The following ADPRHL1 variants were observed in gnomAD, a reference collection of about 807,000 sequenced individuals.
ADPRHL1 encodes ADP-ribosylhydrolase like 1.
A neutral mutation model predicts 44.1 loss-of-function variants in ADPRHL1; 43 were observed. That is an observed-to-expected ratio of 0.98 (90% CI 0.76 to 1.26). The LOEUF is 1.26. Ranked by LOEUF, ADPRHL1 falls within the 50% of genes most tolerant of loss-of-function variation. The probability of loss-of-function intolerance (pLI) is 0.00; values close to 1 mark genes in which losing one functional copy is unlikely to be tolerated. For missense variants in ADPRHL1, 2,022 were observed against 2,496.9 expected (o/e 0.81, Z 4.05); for synonymous variants, 878 against 1,017.4 (o/e 0.86, Z 2.61).
At chr13:113,416,260 T>C (rs1054663948) in intron 7 of ADPRHL1, among the ~76,000 whole-genome samples, 2 of 152,110 alleles carry the variant, frequency 1.3e-5, no homozygotes, top group Non-Finnish European at 2.9e-5. Flanking sequence ...TAATGGTCGA[T>C]GTGGACTTTT....
intron 7 of ADPRHL1, among the ~76,000 whole-genome samples, chr13:113,417,275 C>T (rs915581390): frequency 1.3e-5 from 2 of 152,210 alleles, no homozygotes; most frequent in African/African-American, 2.4e-5. Context: ...ACCAGGGCCC[C>T]AGGTCGTGCA....
chr13:113,415,750 C>CAAAAAAAAAAA (rs71214119), intron 7 of ADPRHL1, among the ~76,000 whole-genome samples: 672 of 62,780 alleles, frequency 0.011, 24 homozygotes, highest in Middle Eastern at 0.013. Context: ...GACTCCATCT[C>CAAAAAAAAAAA]AAAAAAAAAA....
Position 113,404,967 on chromosome 13 carries a change from T to A in ADPRHL1, c.4315A>T (p.Ser1439Cys). The A allele has an allele frequency of 1.6e-6, 2 of 1,235,394 alleles. No homozygotes were observed. Among genetic ancestry groups the A allele is most frequent in the Non-Finnish European group, 2.0e-6 (2 of 990,456 alleles). The allele number at this position is 1,235,394 out of a possible 1,614,324, so 76.5% of individuals were successfully genotyped here. ...AIGVGGACQR[S>C]DQGQQHLQGP... ...TGCAGATGCTGCTGACCTTGGTCAC[T>A]GCGCTGGCAGGCGCCCCCAACCCCA... The change falls in exon 8 of 8, where the codon AGT becomes TGT. Residue 1439 changes from serine to cysteine, a missense_variant. Transcript: ENST00000612156.
At chr13:113,429,806 C>T (rs981116551) in intron 3 of ADPRHL1, among the ~76,000 whole-genome samples, 1 of 152,244 alleles carries the variant, frequency 6.6e-6, no homozygotes, top group African/African-American at 2.4e-5. Flanking sequence ...TGCCTAACTT[C>T]TGGGCGTGCA....
intron 1 of ADPRHL1, 70 bp from the exon 2 acceptor site, chr13:113,444,659 T>C: frequency 1.2e-5 from 19 of 1,540,416 alleles, no homozygotes; most frequent in Non-Finnish European, 1.6e-5. Context: ...TCCCGCGGGG[T>C]CAGGCACCAT....
intron 1 of ADPRHL1, among the ~76,000 whole-genome samples, chr13:113,452,986 T>C (rs1454585159): frequency 1.3e-5 from 2 of 152,138 alleles, no homozygotes; most frequent in African/African-American, 4.8e-5. Flanking sequence ...TGAATCTTAA[T>C]AACTGCAAAG....
intron 1 of ADPRHL1, 140 bp from the exon 2 acceptor site, chr13:113,444,729 TCTC>T: frequency 2.0e-6 from 2 of 1,009,928 alleles, no homozygotes; most frequent in Non-Finnish European, 2.9e-6. Context: ...TTCACTCCGT[TCTC>T]CTGCCTCAGC....
At chr13:113,418,853 T>C (rs1329970689) in intron 7 of ADPRHL1, among the ~76,000 whole-genome samples, 1 of 152,050 alleles carries the variant, frequency 6.6e-6, no homozygotes, top group Non-Finnish European at 1.5e-5. Flanking sequence ...TGCCCCTTCC[T>C]GGTGCCTGAT....
chr13:113,440,762 C>T lies in ADPRHL1; in HGVS notation c.379+3663G>A, dbSNP rs537421379. 2.0e-3 allele frequency among the ~76,000 whole-genome samples: 304 copies of T among 151,960 alleles called. 2 individuals carry two copies. Among genetic ancestry groups the T allele is most frequent in the Non-Finnish European group, 2.9e-3 (199 of 67,950 alleles). On this transcript the variant is annotated intron_variant, in intron 2 of 7. Transcript: ENST00000612156. ...GAGCCACTGCACCTGGTCTATTTTT[C>T]TTTTTTAGAAGCTTTAATCTATTTA...
Position 113,404,531 on chromosome 13 carries a change from G to T in ADPRHL1, c.4751C>A (p.Ala1584Asp), listed in dbSNP as rs543383151. The change falls in exon 8 of 8, where the codon GCC becomes GAC. Residue 1584 changes from alanine to aspartate, a missense_variant. Physicochemically the swap from Ala to Asp is moderately radical, Grantham distance 126. Coordinates refer to ENST00000612156, the MANE Select transcript of ADPRHL1 (RefSeq NM_001394807.1). ...AATCTGCCCCTGAGCCCATTTCTGGGCCTGTCCCTGAACCTGTCCCTGGGC... is the reference window on the plus strand; with the variant it reads ...AATCTGCCCCTGAGCCCATTTCTGGTCCTGTCCCTGAACCTGTCCCTGGGC... ...GGAQGQVQGQ[A>D]QKWAQGQIQG... 7.0e-5 allele frequency: 92 copies of T among 1,312,870 alleles called. No individual in the cohort carries two copies. The highest frequency in any genetic ancestry group is 8.2e-5 in the Non-Finnish European group (85 of 1,038,320). The allele number at this position is 1,312,870 out of a possible 1,614,324, so 81.3% of individuals were successfully genotyped here.
At chr13:113,408,751 G>C (rs1232404757) in intron 7 of ADPRHL1, among the ~76,000 whole-genome samples, 1 of 150,438 alleles carries the variant, frequency 6.6e-6, no homozygotes, top group African/African-American at 2.5e-5. Context: ...AACCGCTCAG[G>C]CTTGGGGTGG....
chr13:113,446,560 C>T (rs12021079), intron 1 of ADPRHL1, among the ~76,000 whole-genome samples: 35,119 of 151,764 alleles, frequency 0.23, 4,300 homozygotes, highest in Admixed American at 0.37. Context: ...TCTACTCTCA[C>T]GGTGTTGTCT....
At chr13:113,424,944 A>G (rs1035318831) in intron 5 of ADPRHL1, 108 bp downstream of exon 5, 38 of 1,320,642 alleles carry the variant, frequency 2.9e-5, no homozygotes, top group Middle Eastern at 3.9e-4. Context: ...CCATCCATCT[A>G]TCCATCCATC....
In ADPRHL1 at chr13:113,407,806, G is replaced by A. The variant is rs1027203556; in HGVS notation, c.1476C>T (p.Arg492=). ...APKPCLSEKP[R]WGHPAGKSTV... is the part of the protein sequence containing the mutation. ...TGCTCTTCCCGGCCGGGTGGCCCCAGCGGGGCTTCTCGCTGAGGCAGGGCT... is the reference window on the plus strand; with the variant it reads ...TGCTCTTCCCGGCCGGGTGGCCCCAACGGGGCTTCTCGCTGAGGCAGGGCT... Residue 492 remains arginine, a synonymous_variant, in exon 8 of 8, where the codon CGC becomes CGT. Coordinates refer to ENST00000612156, the MANE Select transcript of ADPRHL1 (RefSeq NM_001394807.1). The A allele has an allele frequency of 3.5e-5, 43 of 1,231,976 alleles. No homozygotes were observed. The highest frequency in any genetic ancestry group is 3.3e-4 in the African/African-American group (21 of 64,554). 76.3% of individuals were successfully genotyped at this position (1,231,976 alleles called of 1,614,324 possible). A position where few individuals can be genotyped will look rare whatever the true frequency, so the allele number is the denominator to read the frequency against.
intron 7 of ADPRHL1, among the ~76,000 whole-genome samples, chr13:113,410,299 G>A (rs2043842659): frequency 2.0e-5 from 3 of 152,184 alleles, no homozygotes; most frequent in Admixed American, 2.0e-4. Flanking sequence ...AAGAGGCCTT[G>A]CTGAGACCCG....
chr13:113,437,188 C>T (rs1479119259), intron 2 of ADPRHL1, among the ~76,000 whole-genome samples: 3 of 147,402 alleles, frequency 2.0e-5, no homozygotes, highest in Non-Finnish European at 4.5e-5. Context: ...CATAGGTGTA[C>T]CCCGGGACCC....
intron 3 of ADPRHL1, among the ~76,000 whole-genome samples, chr13:113,432,752 C>A (rs1308387911): frequency 6.6e-6 from 1 of 152,196 alleles, no homozygotes; most frequent in East Asian, 1.9e-4. Flanking sequence ...GCTCTGCCCT[C>A]CTTGTTGGGA....
intron 2 of ADPRHL1, among the ~76,000 whole-genome samples, chr13:113,443,548 G>T (rs777462831): frequency 6.6e-6 from 1 of 152,020 alleles, no homozygotes; most frequent in Admixed American, 6.6e-5. Context: ...GAGTCTGGGA[G>T]GTCAAGGCTG....
chr13:113,406,278 A>C lies in ADPRHL1; in HGVS notation c.3004T>G (p.Ser1002Ala). The C allele has an allele frequency of 1.1e-5, 13 of 1,231,992 alleles. No homozygotes were observed. The highest frequency in any genetic ancestry group is 1.3e-5 in the Non-Finnish European group (13 of 987,964). 76.3% of individuals were successfully genotyped at this position (1,231,992 alleles called of 1,614,324 possible). A position where few individuals can be genotyped will look rare whatever the true frequency, so the allele number is the denominator to read the frequency against. The change falls in exon 8 of 8, where the codon TCC becomes GCC. Residue 1002 changes from serine to alanine, a missense_variant. Around this residue, in one of 8 missense-constraint regions of ADPRHL1, gnomAD observed 1,221 missense variants for 1,517.8 expected, o/e 0.80. Coordinates refer to ENST00000612156, the MANE Select transcript of ADPRHL1 (RefSeq NM_001394807.1). ...GAGGCTGCAGGATCATTTGTTGCGG[A>C]GCCCTTCTTCTGCATTGATATTTCA... ...SNEISMQKKG[S>A]ATNDPAASQN...
Sources: gnomAD v4.1 joint callset for allele counts (sites outside exome capture counted in the v4.1 genomes callset) on GRCh38, gnomAD v4.1.1 for gene constraint, gnomAD v4.1.1 regional missense constraint, MANE v1.5 for transcripts, NCBI Gene and HGNC (gene_info 2026-07-23, HGNC 2026-07-21) for gene names.